The following TBL1X variants were observed in gnomAD, a reference collection of about 807,000 sequenced individuals.
TBL1X encodes the protein transducin beta like 1 X-linked.
TBL1X carries 10 observed loss-of-function variants against 50.7 expected under a neutral mutation model. The ratio of observed to expected loss-of-function variants is 0.20; its 90% confidence interval spans 0.12 to 0.33. The LOEUF (loss-of-function observed/expected upper bound fraction) is 0.33, where lower values mean the gene tolerates loss of function less well. Ranked by LOEUF, TBL1X falls within the 10% of genes least tolerant of loss-of-function variation. TBL1X has a pLI of 1.00. For missense variants in TBL1X, 340 were observed against 504.4 expected, an observed-to-expected ratio of 0.67 and a Z score of 3.12; for synonymous variants, 190 against 214.7, an observed-to-expected ratio of 0.88 and a Z score of 1.01.
At chrX:9,587,164 C>T (rs951538661) in intron 2 of TBL1X, among the ~76,000 whole-genome samples, 1 of 112,160 alleles carries the variant, frequency 8.9e-6, no homozygotes, top group Non-Finnish European at 1.9e-5. Flanking sequence ...GAGGCCTCAT[C>T]CCTGAGCAGG....
chrX:9,610,827 A>G (rs1208741872), intron 2 of TBL1X, among the ~76,000 whole-genome samples: 1 of 112,502 alleles, frequency 8.9e-6, no homozygotes, highest in African/African-American at 3.2e-5. Context: ...CTAAAAACAA[A>G]TGCTATGATA....
chrX:9,674,395 G>A (rs2082978525), intron 5 of TBL1X, among the ~76,000 whole-genome samples: 1 of 110,328 alleles, frequency 9.1e-6, no homozygotes, highest in African/African-American at 3.3e-5. Context: ...CAAGTAGCTG[G>A]GACCACAGGA....
intron 4 of TBL1X, 87 bp downstream of exon 4, chrX:9,653,776 A>G (rs1324961664): frequency 2.3e-6 from 2 of 867,322 alleles, no homozygotes; most frequent in Middle Eastern, 3.7e-4. Flanking sequence ...TCACCTCTCC[A>G]TGTGTCCAGA....
chrX:9,716,297 T>G lies in TBL1X; in HGVS notation c.*51T>G, dbSNP rs764095083. 1 of 1,151,686 alleles carries G rather than the reference T, an allele frequency of 8.7e-7. No individual in the cohort carries two copies. Among genetic ancestry groups the G allele is most frequent in the African/African-American group, 1.8e-5 (1 of 55,887 alleles). The allele number at this position is 1,151,686 out of a possible 1,213,427, so 94.9% of individuals were successfully genotyped here. A position where few individuals can be genotyped will look rare whatever the true frequency, so the allele number is the denominator to read the frequency against. ...AAGAATTCTAATGACCAGCCGTGAATGTGTAGGGTTGCAGCTCTATTCTCC... is the reference window on the plus strand; with the variant it reads ...AAGAATTCTAATGACCAGCCGTGAAGGTGTAGGGTTGCAGCTCTATTCTCC... On this transcript the variant is annotated 3_prime_UTR_variant, in exon 18 of 18. Coordinates refer to ENST00000645353, the MANE Select transcript of TBL1X (RefSeq NM_005647.4).
At position 9,688,142 on chromosome X, in the gene TBL1X, G is replaced by A. The variant is rs1230590391; in HGVS notation, c.483G>A (p.Ala161=). Residue 161 remains alanine, a synonymous_variant, in exon 7 of 18, where the codon GCG becomes GCA. Coordinates refer to ENST00000645353, the MANE Select transcript of TBL1X (RefSeq NM_005647.4). ...AGCTCGCTCAGCAGCAAGCCAGTGC[G>A]GCGGCGGCGGCGGCTGCGGCCACGG... is the stretch of plus-strand genomic sequence containing the variant. ...REKLAQQQAS[A]AAAAAAATAA... 28 of 1,171,270 alleles carry A rather than the reference G, an allele frequency of 2.4e-5. 1 individual carries two copies. The highest frequency in any genetic ancestry group is 1.5e-4 in the South Asian group (8 of 52,462).
intron 2 of TBL1X, among the ~76,000 whole-genome samples, chrX:9,565,912 C>A (rs768899330): frequency 8.9e-6 from 1 of 111,830 alleles, no homozygotes; most frequent in South Asian, 3.7e-4. Context: ...GAAACAGCTC[C>A]AAGAAAGTGG....
At position 9,715,137 on chromosome X, in the gene TBL1X, TC is replaced by T. The variant is rs370276760; in HGVS notation, c.1707+137del. Reference sequence around the variant, plus strand: ...TGCCAAAGGAAGCTTCTGGGCTGGATCCCATCGGAGTTGGTACCACATCTGG... The same window carrying T: ...TGCCAAAGGAAGCTTCTGGGCTGGATCCATCGGAGTTGGTACCACATCTGG... On this transcript the variant is annotated intron_variant, in intron 17 of 17. Coordinates refer to ENST00000645353, the MANE Select transcript of TBL1X (RefSeq NM_005647.4). 46 of 589,666 alleles carry T rather than the reference TC, an allele frequency of 7.8e-5. No individual in the cohort carries two copies. In the African/African-American group the frequency reaches 8.4e-4, roughly 11 times the overall value. 48.6% of individuals were successfully genotyped at this position (589,666 alleles called of 1,213,427 possible).
chrX:9,679,021 G>A (rs2083010148), intron 5 of TBL1X, among the ~76,000 whole-genome samples: 1 of 109,851 alleles, frequency 9.1e-6, no homozygotes, highest in Non-Finnish European at 1.9e-5. Flanking sequence ...AGTTTATCAT[G>A]ATTATACTCT....
chrX:9,693,153 A>G lies in TBL1X; in HGVS notation c.896A>G (p.Asn299Ser), dbSNP rs200238701. The G allele has an allele frequency of 2.0e-5, 24 of 1,209,662 alleles. No homozygotes were observed. The Middle Eastern group carries it at 1.1e-3, about 58-fold the overall frequency. ...KDVTSLDWNT[N>S]GTLLATGSYD... The stretch of plus-strand genomic sequence containing the variant: ...TTGTCTCTTTCTGGCCCTCAGACCA[A>G]TGGAACACTCTTGGCTACGGGTTCA... Residue 299 changes from asparagine (N) to serine (S), a missense_variant, in exon 10 of 18, where the codon AAT becomes AGT. This residue lies in a region of TBL1X where 170 missense variants were observed against 272.6 expected (regional missense o/e 0.62). Coordinates refer to ENST00000645353, the MANE Select transcript of TBL1X (RefSeq NM_005647.4).
chrX:9,580,968 TC>T (rs758957343), intron 2 of TBL1X, among the ~76,000 whole-genome samples: 4 of 111,715 alleles, frequency 3.6e-5, no homozygotes, highest in African/African-American at 1.3e-4. Flanking sequence ...GACCCCCACT[TC>T]CCGGCAGTCA....
chrX:9,586,947 T>C (rs1039600411), intron 2 of TBL1X, among the ~76,000 whole-genome samples: 2 of 112,234 alleles, frequency 1.8e-5, no homozygotes, highest in Non-Finnish European at 3.8e-5. Flanking sequence ...CTTTTTTGTG[T>C]GCAGGAACGA....
chrX:9,572,815 A>C (rs776953689), intron 2 of TBL1X, among the ~76,000 whole-genome samples: 10 of 112,743 alleles, frequency 8.9e-5, no homozygotes, highest in Non-Finnish European at 1.9e-5. Context: ...TGGAGAGAGC[A>C]GGATATTCAT....
intron 2 of TBL1X, among the ~76,000 whole-genome samples, chrX:9,609,376 G>A (rs1164818950): frequency 1.8e-4 from 11 of 60,239 alleles, no homozygotes; most frequent in Non-Finnish European, 2.9e-5. Flanking sequence ...TGTGTGTGTT[G>A]CCCCAGCATT....
At chrX:9,645,213 G>A (rs1432112418) in intron 3 of TBL1X, 1 of 111,674 alleles carries the variant, frequency 9.0e-6, no homozygotes. Flanking sequence ...TCGTGCCTCA[G>A]ACTCCCAAAT....
intron 3 of TBL1X, among the ~76,000 whole-genome samples, chrX:9,652,775 C>T (rs1026656288): frequency 4.7e-5 from 5 of 106,872 alleles, no homozygotes; most frequent in Admixed American, 2.0e-4. Flanking sequence ...TGCTTGAGCC[C>T]GGGAGGTGGA....
intron 1 of TBL1X, among the ~76,000 whole-genome samples, chrX:9,496,576 C>T (rs1052126460): frequency 8.9e-6 from 1 of 112,660 alleles, no homozygotes; most frequent in Non-Finnish European, 1.9e-5. Context: ...CTGGCAGCCT[C>T]TTAGGGTTCA....
chrX:9,686,474 G>A (rs944738482), intron 6 of TBL1X, among the ~76,000 whole-genome samples: 2 of 112,413 alleles, frequency 1.8e-5, no homozygotes, highest in African/African-American at 6.5e-5. Context: ...AAGGCAGGAG[G>A]GTTGCCTGAG....
intron 1 of TBL1X, among the ~76,000 whole-genome samples, chrX:9,499,583 A>G (rs1290029470): frequency 8.9e-6 from 1 of 112,534 alleles, no homozygotes; most frequent in Non-Finnish European, 1.9e-5. Context: ...TTCAGCCACA[A>G]GCTGGCCAAG....
At chrX:9,532,218 C>A (rs987639342) in intron 2 of TBL1X, among the ~76,000 whole-genome samples, 1 of 111,615 alleles carries the variant, frequency 9.0e-6, no homozygotes, top group African/African-American at 3.3e-5. Context: ...AGCCCCTGCC[C>A]CAGGAAGCGA....
Sources: gnomAD v4.1 joint callset for allele counts (sites outside exome capture counted in the v4.1 genomes callset) on GRCh38, gnomAD v4.1.1 for gene constraint, gnomAD v4.1.1 regional missense constraint, MANE v1.5 for transcripts, NCBI Gene and HGNC (gene_info 2026-07-23, HGNC 2026-07-21) for gene names.